The following PCDH15 variants were observed in gnomAD, a reference collection of about 807,000 sequenced individuals.
The protein encoded by PCDH15 is protocadherin related 15.
PCDH15 carries 129 observed loss-of-function variants against 178.5 expected under a neutral mutation model. The observed-to-expected ratio is 0.72, with a 90% CI of 0.63 to 0.84. The LOEUF (loss-of-function observed/expected upper bound fraction) is 0.84, where lower values mean the gene tolerates loss of function less well. PCDH15 is among the 40% of genes least tolerant of loss of function. The pLI, the probability that PCDH15 is intolerant of heterozygous loss-of-function variation, is 0.00. For synonymous variants in PCDH15, 800 were observed against 732.0 expected (o/e 1.09, Z -1.50); for missense variants, 2,230 against 2,099.9 (o/e 1.06, Z -1.21).
At chr10:55,492,828 G>A (rs1840448120) in intron 2 of PCDH15, among the ~76,000 whole-genome samples, 1 of 151,666 alleles carries the variant, frequency 6.6e-6, no homozygotes, top group Non-Finnish European at 1.5e-5. Flanking sequence ...AGACTTGATA[G>A]TAATGTCTTA....
At chr10:54,179,112 T>TAC (rs575125998) in intron 13 of PCDH15, among the ~76,000 whole-genome samples, 190 of 152,214 alleles carry the variant, frequency 1.2e-3, no homozygotes, top group African/African-American at 4.5e-3. Context: ...TAAAGACACA[T>TAC]ACACACGTAT....
intron 2 of PCDH15, among the ~76,000 whole-genome samples, chr10:55,521,636 A>G (rs1206699166): frequency 6.6e-6 from 1 of 151,994 alleles, no homozygotes; most frequent in Admixed American, 6.6e-5. Flanking sequence ...TCTTGGCTAC[A>G]GTGAATAACA....
chr10:54,366,091 GAGTT>G (rs1946754250), intron 5 of PCDH15, among the ~76,000 whole-genome samples: 1 of 152,050 alleles, frequency 6.6e-6, no homozygotes, highest in Admixed American at 6.6e-5. Flanking sequence ...CTAAGGACTT[GAGTT>G]TTATTCCCAA....
At chr10:54,122,894 C>T (rs995842298) in intron 15 of PCDH15, among the ~76,000 whole-genome samples, 4 of 150,950 alleles carry the variant, frequency 2.6e-5, no homozygotes, top group Non-Finnish European at 4.4e-5. Flanking sequence ...AAAAAGGGAA[C>T]CCTTGACAAA....
At chr10:53,849,402 T>C (rs1360574845) in intron 28 of PCDH15, among the ~76,000 whole-genome samples, 1 of 152,098 alleles carries the variant, frequency 6.6e-6, no homozygotes, top group Non-Finnish European at 1.5e-5. Flanking sequence ...AGAAATGTGT[T>C]AATGAATGAA....
chr10:54,092,840 T>C lies in PCDH15; in HGVS notation c.1918-2777A>G, dbSNP rs192840121. ...TTTTCTCTCGGTCAATAAATTTTTCTTATTATGTTGTTATAGATATGATCA... is the reference window on the plus strand; with the variant it reads ...TTTTCTCTCGGTCAATAAATTTTTCCTATTATGTTGTTATAGATATGATCA... On this transcript the variant is annotated intron_variant, in intron 15 of 37. Transcript: ENST00000644397. Among the ~76,000 whole-genome samples the C allele has an allele frequency of 2.4e-3, 363 of 152,260 alleles. 2 individuals are homozygous for C. The highest frequency in any genetic ancestry group is 8.5e-3 in the African/African-American group (354 of 41,582).
At chr10:55,303,740 G>C (rs571870096) in intron 1 of PCDH15, among the ~76,000 whole-genome samples, 1 of 151,866 alleles carries the variant, frequency 6.6e-6, no homozygotes, top group South Asian at 2.1e-4. Context: ...GATATCTATA[G>C]AGTCTTTAGT....
chr10:54,260,821 C>T lies in PCDH15; in HGVS notation c.877-23890G>A, dbSNP rs189694213. Among the ~76,000 whole-genome samples, 19 of 152,106 alleles carry T rather than the reference C, an allele frequency of 1.2e-4. 1 individual carries two copies. Among genetic ancestry groups the T allele is most frequent in the East Asian group, 3.9e-4 (2 of 5,148 alleles). The stretch of plus-strand genomic sequence containing the variant: ...CTAATTTTTGTATTTTTAGTAGAGA[C>T]GGGGTTTGGGCATTTTGGCCAGGCT... On this transcript the variant is annotated intron_variant, in intron 8 of 37. Coordinates refer to ENST00000644397, the MANE Select transcript of PCDH15 (RefSeq NM_001384140.1).
intron 27 of PCDH15, among the ~76,000 whole-genome samples, chr10:53,861,688 T>C (rs572700149): frequency 1.3e-5 from 2 of 152,338 alleles, no homozygotes; most frequent in South Asian, 4.1e-4. Flanking sequence ...CATTTTAACA[T>C]GTAAAGAACA....
At chr10:54,908,723 T>A (rs1467760671) in intron 2 of PCDH15, among the ~76,000 whole-genome samples, 1 of 152,174 alleles carries the variant, frequency 6.6e-6, no homozygotes, top group Non-Finnish European at 1.5e-5. Context: ...GTAAACGGTG[T>A]CCTGGAGAGT....
chr10:54,674,969 A>G (rs1182680585), intron 1 of PCDH15, among the ~76,000 whole-genome samples: 2 of 152,118 alleles, frequency 1.3e-5, no homozygotes, highest in East Asian at 3.9e-4. Context: ...ATGCTTCACG[A>G]ATAATACACT....
chr10:55,479,485 C>A (rs914445137), intron 2 of PCDH15, among the ~76,000 whole-genome samples: 11 of 151,202 alleles, frequency 7.3e-5, no homozygotes, highest in African/African-American at 2.2e-4. Context: ...ATAAATATTC[C>A]CAACTAATTA....
chr10:54,663,204 A>G (rs1440445585), intron 2 of PCDH15, among the ~76,000 whole-genome samples: 2 of 151,910 alleles, frequency 1.3e-5, no homozygotes, highest in African/African-American at 4.8e-5. Context: ...CTTCTGATCA[A>G]TCAGTTTAGC....
chr10:53,830,443 T>C (rs1348600182), intron 30 of PCDH15, among the ~76,000 whole-genome samples: 1 of 152,236 alleles, frequency 6.6e-6, no homozygotes, highest in Admixed American at 6.5e-5. Context: ...TTATTATTAC[T>C]GTCTGCTATT....
chr10:54,094,158 T>C (rs951065412), intron 15 of PCDH15, among the ~76,000 whole-genome samples: 2 of 152,150 alleles, frequency 1.3e-5, no homozygotes, highest in Admixed American at 1.3e-4. Flanking sequence ...AATCACTCAT[T>C]AATTCAACAA....
chr10:54,021,330 TC>T, intron 19 of PCDH15, among the ~76,000 whole-genome samples: 1 of 152,100 alleles, frequency 6.6e-6, no homozygotes, highest in South Asian at 2.1e-4. Flanking sequence ...TGCAAACACC[TC>T]CTATGGTGAA....
intron 37 of PCDH15, chr10:53,807,954 G>A (rs2075717971): frequency 6.6e-6 from 1 of 151,938 alleles, no homozygotes; most frequent in Non-Finnish European, 1.5e-5. Flanking sequence ...TCGCATTTTT[G>A]GAATATGTGA....
At chr10:55,043,281 G>A (rs144285234) in intron 2 of PCDH15, among the ~76,000 whole-genome samples, 129 of 151,780 alleles carry the variant, frequency 8.5e-4, no homozygotes, top group African/African-American at 3.0e-3. Context: ...CAAGATTTTT[G>A]TCTTGGAATC....
intron 8 of PCDH15, among the ~76,000 whole-genome samples, chr10:54,306,916 C>G (rs1024186752): frequency 2.0e-5 from 3 of 148,696 alleles, no homozygotes; most frequent in African/African-American, 2.5e-5. Flanking sequence ...TAAAAAGTTA[C>G]CAGTATATTC....
Sources: allele counts gnomAD v4.1 joint callset (sites outside exome capture counted in the v4.1 genomes callset), GRCh38; gene constraint gnomAD v4.1.1; transcripts MANE v1.5; gene names NCBI Gene and HGNC (gene_info 2026-07-23, HGNC 2026-07-21).